Variants in SPAG16 observed in about 807,000 individuals in gnomAD.
The protein encoded by SPAG16 is sperm associated antigen 16.
Under a neutral mutation model 80.4 loss-of-function variants are expected in SPAG16, and 86 were observed. That is an observed-to-expected ratio of 1.07 (90% CI 0.90 to 1.28). The LOEUF is 1.28. Ranked by LOEUF, SPAG16 falls within the 50% of genes most tolerant of loss-of-function variation. SPAG16 has a pLI of 0.00. For synonymous variants in SPAG16, 294 were observed against 265.9 expected (o/e 1.11, Z -1.03); for missense variants, 870 against 765.3 (o/e 1.14, Z -1.61).
chr2:213,853,141 G>C (rs1342378471), intron 10 of SPAG16, among the ~76,000 whole-genome samples: 1 of 152,202 alleles, frequency 6.6e-6, no homozygotes, highest in Non-Finnish European at 1.5e-5. Flanking sequence ...ATTAGAGCCT[G>C]TGAACTGAAG....
chr2:213,335,236 C>T (rs2124908472), intron 5 of SPAG16, among the ~76,000 whole-genome samples: 1 of 152,166 alleles, frequency 6.6e-6, no homozygotes, highest in East Asian at 1.9e-4. Context: ...GAACTGTTCC[C>T]AAAGAATCTC....
chr2:213,457,920 CT>C (rs2072134075), intron 9 of SPAG16, among the ~76,000 whole-genome samples: 1 of 145,778 alleles, frequency 6.9e-6, no homozygotes, highest in South Asian at 2.2e-4. Context: ...TAATTTATTA[CT>C]TTCTTATTCT....
chr2:213,800,312 TTCCCTCCCTCCC>T (rs71397194), intron 10 of SPAG16, among the ~76,000 whole-genome samples: 1 of 142,502 alleles, frequency 7.0e-6, no homozygotes, highest in African/African-American at 2.7e-5. Context: ...CCCTTTCTCC[TTCCCTCCCTCCC>T]TCCCTCCCTC....
At chr2:213,315,957 A>ATTTC (rs1302812122) in intron 4 of SPAG16, among the ~76,000 whole-genome samples, 1 of 151,436 alleles carries the variant, frequency 6.6e-6, no homozygotes, top group Non-Finnish European at 1.5e-5. Context: ...GGACCTCTTC[A>ATTTC]TTTCTTTCTT....
intron 15 of SPAG16, among the ~76,000 whole-genome samples, chr2:214,285,776 C>T (rs1169168001): frequency 6.6e-6 from 1 of 151,896 alleles, no homozygotes; most frequent in Non-Finnish European, 1.5e-5. Flanking sequence ...ACACTCCAGC[C>T]CTGGCGATAA....
intron 10 of SPAG16, among the ~76,000 whole-genome samples, chr2:213,567,244 T>TA (rs1285922848): frequency 4.7e-5 from 7 of 149,764 alleles, no homozygotes; most frequent in Non-Finnish European, 1.0e-4. Context: ...TTTTTTTTTT[T>TA]ATTATACTCT....
At chr2:214,405,356 G>A (rs1261194896) in intron 15 of SPAG16, among the ~76,000 whole-genome samples, 1 of 152,074 alleles carries the variant, frequency 6.6e-6, no homozygotes, top group African/African-American at 2.4e-5. Context: ...CAAACTTTTG[G>A]CCTCAAGTGA....
At chr2:213,761,732 GGCGGGC>G (rs1431647322) in intron 10 of SPAG16, among the ~76,000 whole-genome samples, 5 of 152,032 alleles carry the variant, frequency 3.3e-5, no homozygotes, top group Non-Finnish European at 5.9e-5. Context: ...TGGGCGTGGT[GGCGGGC>G]GCCTGTAGTC....
chr2:213,986,891 CAAAAAAAAAAAA>C (rs369965944), intron 12 of SPAG16, among the ~76,000 whole-genome samples: 4 of 57,642 alleles, frequency 6.9e-5, no homozygotes, highest in South Asian at 9.1e-4. Context: ...TCTGGTATAG[CAAAAAAAAAAAA>C]AAAAAAAAAA....
intron 13 of SPAG16, among the ~76,000 whole-genome samples, chr2:214,101,431 G>C (rs2053021451): frequency 6.6e-6 from 1 of 152,046 alleles, no homozygotes; most frequent in South Asian, 2.1e-4. Flanking sequence ...TTCTGCCAGA[G>C]GGAAAAGGGA....
intron 9 of SPAG16, among the ~76,000 whole-genome samples, chr2:213,381,060 T>G (rs1374713152): frequency 8.0e-6 from 1 of 125,034 alleles, no homozygotes; most frequent in Non-Finnish European, 1.7e-5. Flanking sequence ...AATGAAGGAA[T>G]GGGTCCATAA....
intron 10 of SPAG16, among the ~76,000 whole-genome samples, chr2:213,690,755 C>T (rs569525104): frequency 2.0e-5 from 3 of 152,242 alleles, no homozygotes; most frequent in African/African-American, 7.2e-5. Context: ...TTCCTCTCCT[C>T]GTGCCCTTGG....
intron 15 of SPAG16, among the ~76,000 whole-genome samples, chr2:214,407,272 AAATAACAACTT>A (rs1185916974): frequency 1.3e-5 from 2 of 152,082 alleles, no homozygotes; most frequent in African/African-American, 4.8e-5. Flanking sequence ...ATACTAAGCT[AAATAACAACTT>A]AATAATCTGT....
chr2:213,635,464 A>G lies in SPAG16; in HGVS notation c.1070+145374A>G, dbSNP rs10206470. Reference sequence around the variant, plus strand: ...GATTGCTGGATCAAATTATAGATTTACTTTTAGTTTTTTCAGGAATCTCCA... The same window carrying G: ...GATTGCTGGATCAAATTATAGATTTGCTTTTAGTTTTTTCAGGAATCTCCA... On this transcript the variant is annotated intron_variant, in intron 10 of 15. Coordinates refer to ENST00000331683, the MANE Select transcript of SPAG16 (RefSeq NM_024532.5). Among the ~76,000 whole-genome samples the G allele has an allele frequency of 3.3e-3, 506 of 152,238 alleles. 4 individuals are homozygous for G. The highest frequency in any genetic ancestry group is 0.012 in the African/African-American group (487 of 41,536).
At chr2:214,328,410 G>T (rs1250957355) in intron 15 of SPAG16, among the ~76,000 whole-genome samples, 2 of 152,164 alleles carry the variant, frequency 1.3e-5, no homozygotes, top group African/African-American at 4.8e-5. Flanking sequence ...TGATCCACCC[G>T]CCTCGGCCTC....
chr2:213,777,558 T>A (rs746700149), intron 10 of SPAG16, among the ~76,000 whole-genome samples: 23 of 152,040 alleles, frequency 1.5e-4, no homozygotes, highest in Admixed American at 4.6e-4. Flanking sequence ...GGCGCCCGCC[T>A]CCACGCCTGG....
chr2:213,599,635 T>C (rs1339865811), intron 10 of SPAG16, among the ~76,000 whole-genome samples: 1 of 152,220 alleles, frequency 6.6e-6, no homozygotes, highest in Non-Finnish European at 1.5e-5. Flanking sequence ...AACCGACTTG[T>C]TGATGTTATC....
intron 13 of SPAG16, among the ~76,000 whole-genome samples, chr2:214,076,233 T>C (rs183202606): frequency 3.9e-5 from 6 of 152,278 alleles, no homozygotes; most frequent in Admixed American, 2.6e-4. Context: ...ACAGCTTGTT[T>C]AGACTGATAT....
At position 214,157,093 on chromosome 2, in the gene SPAG16, G is replaced by A. The variant is rs116756152; in HGVS notation, c.1720+7827G>A. 1.7e-3 allele frequency among the ~76,000 whole-genome samples: 264 copies of A among 152,216 alleles called. 2 individuals are homozygous for A. The highest frequency in any genetic ancestry group is 6.2e-3 in the African/African-American group (258 of 41,536). ...GTAGAATTTGGGCCTCACTGATTCTGGAGAAAGGAACTGGAGAAACTGAAG... is the reference window on the plus strand; with the variant it reads ...GTAGAATTTGGGCCTCACTGATTCTAGAGAAAGGAACTGGAGAAACTGAAG... On this transcript the variant is annotated intron_variant, in intron 15 of 15. Coordinates refer to ENST00000331683, the MANE Select transcript of SPAG16 (RefSeq NM_024532.5).
Sources: allele counts gnomAD v4.1 joint callset (sites outside exome capture counted in the v4.1 genomes callset), GRCh38; gene constraint gnomAD v4.1.1; transcripts MANE v1.5; gene names NCBI Gene and HGNC (gene_info 2026-07-23, HGNC 2026-07-21).